Variants in CCNI observed in about 807,000 individuals in gnomAD.
The protein encoded by CCNI is cyclin I.
Under a neutral mutation model 34.1 loss-of-function variants are expected in CCNI, and 14 were observed. The observed-to-expected ratio is 0.41, with a 90% CI of 0.27 to 0.64. CCNI has a LOEUF of 0.64. CCNI is among the 30% of genes least tolerant of loss of function. The probability of loss-of-function intolerance (pLI) is 0.31; values close to 1 mark genes in which losing one functional copy is unlikely to be tolerated. For synonymous variants in CCNI, 154 were observed against 158.4 expected, an observed-to-expected ratio of 0.97 and a Z score of 0.21; for missense variants, 385 against 440.5, an observed-to-expected ratio of 0.87 and a Z score of 1.13.
At chr4:77,069,053 A>G (rs1053139077) in intron 1 of CCNI, among the ~76,000 whole-genome samples, 2 of 152,200 alleles carry the variant, frequency 1.3e-5, no homozygotes, top group Non-Finnish European at 1.5e-5. Context: ...TCTCAAAGGT[A>G]ATTTCTTCTA....
At position 77,066,372 on chromosome 4, in the gene CCNI, T is replaced by G. The variant is rs1339280237; in HGVS notation, c.-10A>C. ...GCCCTGGAAACTTCATGATATCCTT[T>G]GGATCTGCCTGCTACCCAGCTTGCT... On this transcript the variant is annotated 5_prime_UTR_variant, in exon 2 of 7. Transcript: ENST00000237654. The G allele has an allele frequency of 1.2e-6, 2 of 1,613,744 alleles. No homozygotes were observed. Among genetic ancestry groups the G allele is most frequent in the African/African-American group, 2.7e-5 (2 of 74,914 alleles).
intron 1 of CCNI, among the ~76,000 whole-genome samples, chr4:77,073,100 T>A (rs1729609717): frequency 6.6e-6 from 1 of 152,266 alleles, no homozygotes; most frequent in Non-Finnish European, 1.5e-5. Context: ...TTTGTTACTG[T>A]ATGCCTATTG....
At chr4:77,062,538 C>A (rs1480165852) in intron 2 of CCNI, among the ~76,000 whole-genome samples, 1 of 150,502 alleles carries the variant, frequency 6.6e-6, no homozygotes, top group East Asian at 1.9e-4. Flanking sequence ...CCAGCCTGGG[C>A]AACAGAGCAA....
At chr4:77,051,950 TTTTG>T (rs1727874617) in intron 6 of CCNI, among the ~76,000 whole-genome samples, 2 of 146,352 alleles carry the variant, frequency 1.4e-5, no homozygotes, top group Admixed American at 6.8e-5. Context: ...GGGTCTGTTT[TTTTG>T]TTTTTTTTTT....
intron 1 of CCNI, among the ~76,000 whole-genome samples, chr4:77,068,069 T>C (rs931822150): frequency 1.6e-4 from 24 of 151,976 alleles, no homozygotes; most frequent in Admixed American, 6.5e-4. Context: ...TCCCAGTTAC[T>C]TGGAAGCCTG....
At chr4:77,069,166 T>G (rs1348587455) in intron 1 of CCNI, among the ~76,000 whole-genome samples, 1 of 152,208 alleles carries the variant, frequency 6.6e-6, no homozygotes, top group South Asian at 2.1e-4. Flanking sequence ...CCTGTAATCC[T>G]TGCACTTTCG....
chr4:77,053,030 G>A (rs754339955), intron 6 of CCNI, among the ~76,000 whole-genome samples: 3 of 152,102 alleles, frequency 2.0e-5, no homozygotes, highest in Admixed American at 6.6e-5. Flanking sequence ...TTCAAACTAC[G>A]TCCAAAGACT....
At chr4:77,050,132 T>TC (rs765557869) in intron 6 of CCNI, among the ~76,000 whole-genome samples, 121 of 152,324 alleles carry the variant, frequency 7.9e-4, no homozygotes, top group Admixed American at 1.3e-3. Context: ...GCACTAATCT[T>TC]CCCCTTTCTT....
At chr4:77,056,225 CAT>C in intron 4 of CCNI, 22 bp downstream of exon 4, 1 of 1,604,298 alleles carries the variant, frequency 6.2e-7, no homozygotes, top group Non-Finnish European at 8.5e-7. Context: ...ACGGAAGAAA[CAT>C]TATCTTGAAA....
intron 6 of CCNI, among the ~76,000 whole-genome samples, chr4:77,051,518 A>C (rs1004326929): frequency 6.6e-6 from 1 of 152,250 alleles, no homozygotes; most frequent in Non-Finnish European, 1.5e-5. Context: ...CTTAGAAATT[A>C]TTCAAAACAA....
chr4:77,068,201 AAAG>A (rs1578253982), intron 1 of CCNI, among the ~76,000 whole-genome samples: 2 of 151,980 alleles, frequency 1.3e-5, no homozygotes, highest in South Asian at 2.1e-4. Context: ...AACAAACAAA[AAAG>A]AATGTGAAAA....
intron 2 of CCNI, among the ~76,000 whole-genome samples, chr4:77,061,566 C>A (rs1728606553): frequency 1.3e-5 from 2 of 152,088 alleles, no homozygotes; most frequent in South Asian, 4.1e-4. Flanking sequence ...AATATACAAC[C>A]TCCCCAGCTT....
At chr4:77,056,506 A>G (rs1171488990) in intron 3 of CCNI, 183 bp from the exon 4 acceptor site, 4 of 581,236 alleles carry the variant, frequency 6.9e-6, no homozygotes, top group Non-Finnish European at 1.2e-5. Flanking sequence ...AGAACAGGAA[A>G]GAAAGTTTAT....
intron 6 of CCNI, among the ~76,000 whole-genome samples, chr4:77,052,135 T>A (rs1190943266): frequency 6.7e-6 from 1 of 149,158 alleles, no homozygotes; most frequent in Non-Finnish European, 1.5e-5. Context: ...CCCCTTCTAG[T>A]AGTCCCCAGT....
At chr4:77,069,429 T>TA (rs1729291426) in intron 1 of CCNI, among the ~76,000 whole-genome samples, 4 of 145,592 alleles carry the variant, frequency 2.7e-5, no homozygotes, top group African/African-American at 1.1e-4. Flanking sequence ...AATATCATTT[T>TA]TATATATATA....
At position 77,075,719 on chromosome 4, in the gene CCNI, T is replaced by G. The variant is rs1729902659; in HGVS notation, c.-291A>C. On this transcript the variant is annotated 5_prime_UTR_variant, in exon 1 of 7. The change abolishes an upstream ATG in the 5' untranslated region. Transcript: ENST00000237654. ...TGGGTCGGTCAGCGAATTAGTTCCA[T>G]GATGACCCCCGGCCTGAGGCCGCCG... The G allele has an allele frequency of 3.9e-6, 1 of 257,820 alleles. No homozygotes were observed. Among genetic ancestry groups the G allele is most frequent in the Non-Finnish European group, 6.1e-6 (1 of 165,268 alleles). 16.0% of individuals were successfully genotyped at this position (257,820 alleles called of 1,614,324 possible). A position where few individuals can be genotyped will look rare whatever the true frequency, so the allele number is the denominator to read the frequency against.
At chr4:77,049,522 C>A in intron 6 of CCNI, among the ~76,000 whole-genome samples, 1 of 152,032 alleles carries the variant, frequency 6.6e-6, no homozygotes, top group Non-Finnish European at 1.5e-5. Flanking sequence ...ACTAAAAATA[C>A]AAAACATTAG....
chr4:77,065,467 T>C (rs1728964478), intron 2 of CCNI, among the ~76,000 whole-genome samples: 1 of 152,216 alleles, frequency 6.6e-6, no homozygotes, highest in African/African-American at 2.4e-5. Context: ...AGAAAAACTA[T>C]GCAGCTAACA....
chr4:77,047,930 C>T lies in CCNI; in HGVS notation c.*289G>A, dbSNP rs563653865. On this transcript the variant is annotated 3_prime_UTR_variant, in exon 7 of 7. Transcript: ENST00000237654. ...ATTTTTGACGGGGCAAGCTACGTTA[C>T]ATTATGGCAGAAAAAAAGTGCAACT... 7.6e-6 allele frequency: 2 copies of T among 263,978 alleles called. No individual in the cohort carries two copies. The highest frequency in any genetic ancestry group is 1.4e-5 in the Non-Finnish European group (2 of 138,594). The allele number at this position is 263,978 out of a possible 1,614,324, so 16.4% of individuals were successfully genotyped here.
Sources: gnomAD v4.1 joint callset for allele counts (sites outside exome capture counted in the v4.1 genomes callset) on GRCh38, gnomAD v4.1.1 for gene constraint, MANE v1.5 for transcripts, NCBI Gene and HGNC (gene_info 2026-07-23, HGNC 2026-07-21) for gene names.